Variants in MAGT1 observed in about 807,000 individuals in gnomAD.
MAGT1 encodes the protein magnesium transporter 1.
In MAGT1, 4 loss-of-function variants were observed where a neutral mutation model predicts 28.4. The ratio of observed to expected loss-of-function variants is 0.14; its 90% CI spans 0.07 to 0.32. The LOEUF (loss-of-function observed/expected upper bound fraction) is 0.32, where lower values mean the gene tolerates loss of function less well. MAGT1 is among the 10% of genes least tolerant of loss of function. The probability of loss-of-function intolerance (pLI) is 1.00; values close to 1 mark genes in which losing one functional copy is unlikely to be tolerated. For missense variants in MAGT1, 193 were observed against 264.5 expected (o/e 0.73, Z 1.88); for synonymous variants, 89 against 89.7 (o/e 0.99, Z 0.04).
At chrX:77,885,048 C>T (rs781823796) in intron 1 of MAGT1, among the ~76,000 whole-genome samples, 2 of 95,551 alleles carry the variant, frequency 2.1e-5, no homozygotes, top group South Asian at 1.0e-3. Context: ...GGTGACACAG[C>T]GAGACTCCAT....
intron 7 of MAGT1, among the ~76,000 whole-genome samples, chrX:77,842,337 T>A (rs781784018): frequency 9.1e-6 from 1 of 109,777 alleles, no homozygotes; most frequent in Non-Finnish European, 1.9e-5. Flanking sequence ...GAGGCTGCAG[T>A]TAGCCGTGAT....
intron 9 of MAGT1, among the ~76,000 whole-genome samples, chrX:77,830,601 G>A (rs1557213289): frequency 9.2e-6 from 1 of 108,231 alleles, no homozygotes; most frequent in Admixed American, 1.0e-4. Flanking sequence ...GGCAACAAGA[G>A]CAAAACTCCA....
At chrX:77,874,019 C>T (rs1557217541) in intron 2 of MAGT1, among the ~76,000 whole-genome samples, 1 of 108,931 alleles carries the variant, frequency 9.2e-6, no homozygotes, top group Non-Finnish European at 1.9e-5. Context: ...GGGTCTTGGT[C>T]TGTTGCTCAG....
chrX:77,885,077 A>G (rs1212764156), intron 1 of MAGT1, among the ~76,000 whole-genome samples: 7 of 107,245 alleles, frequency 6.5e-5, no homozygotes, highest in South Asian at 4.1e-4. Context: ...AAAAAAAAAA[A>G]AGAGAGAGAC....
chrX:77,874,859 ATT>A (rs782160221), intron 2 of MAGT1, among the ~76,000 whole-genome samples: 2 of 99,556 alleles, frequency 2.0e-5, no homozygotes, highest in Non-Finnish European at 2.1e-5. Flanking sequence ...GTTGATACTG[ATT>A]TTTTTTTTTT....
intron 1 of MAGT1, among the ~76,000 whole-genome samples, chrX:77,881,382 A>G (rs1188187825): frequency 1.8e-5 from 2 of 108,892 alleles, no homozygotes; most frequent in African/African-American, 3.3e-5. Context: ...AGTCTTTTAC[A>G]TTAGGTATAT....
At chrX:77,872,135 CA>C (rs1328536058) in intron 2 of MAGT1, among the ~76,000 whole-genome samples, 3 of 109,589 alleles carry the variant, frequency 2.7e-5, no homozygotes, top group African/African-American at 1.0e-4. Context: ...CTCTGCCTCC[CA>C]GTCTCAAGCA....
chrX:77,880,210 G>C (rs2077047691), intron 1 of MAGT1, among the ~76,000 whole-genome samples: 1 of 109,217 alleles, frequency 9.2e-6, no homozygotes, highest in Non-Finnish European at 1.9e-5. Flanking sequence ...ACATCTCTAT[G>C]AATGATGGAA....
Position 77,853,974 on chromosome X carries a change from A to T in MAGT1, c.763-10T>A, listed in dbSNP as rs1557215733. The T allele has an allele frequency of 6.0e-6, 7 of 1,171,971 alleles. No homozygotes were observed. The East Asian group carries it at 2.1e-4, about 35-fold the overall frequency. ...TTCCATGGATATAATTCTAGGAGGGAAAAAAGACAAAATGGAATCTTTAAG... is the reference window on the plus strand; with the variant it reads ...TTCCATGGATATAATTCTAGGAGGGTAAAAAGACAAAATGGAATCTTTAAG... On this transcript the variant is annotated splice_polypyrimidine_tract_variant and intron_variant, in intron 6 of 9. Transcript: ENST00000618282.
chrX:77,856,645 C>G, intron 5 of MAGT1, 88 bp downstream of exon 5: 1 of 860,444 alleles, frequency 1.2e-6, no homozygotes, highest in Non-Finnish European at 1.7e-6. Context: ...AAATAAAATG[C>G]TACTTCTCAC....
At chrX:77,877,967 A>G (rs1180508338) in intron 1 of MAGT1, among the ~76,000 whole-genome samples, 2 of 109,071 alleles carry the variant, frequency 1.8e-5, no homozygotes, top group East Asian at 5.7e-4. Context: ...CACTTTGGAA[A>G]ACAGTTTGGC....
rs151126473 is a variant in MAGT1, at chrX:77,895,322, T to C, written c.89A>G (p.Gln30Arg). ...IVCDVPSASAQRKKEMVLSEK... is the reference protein window; with the variant it reads ...IVCDVPSASARRKKEMVLSEK... ...CCGCGTTCTCACCTCCTTCTTTCTT[T>C]GGGCAGAGGCTGAGGGAACGTCGCA... The change falls in exon 1 of 10, where the codon CAA becomes CGA. Residue 30 changes from glutamine to arginine, a missense_variant. Gln to Arg is a conservative substitution (Grantham distance 43). Transcript: ENST00000618282. The C allele has an allele frequency of 4.2e-5, 51 of 1,210,758 alleles. No individual in the cohort carries two copies. The African/African-American group carries it at 7.8e-4, about 19-fold the overall frequency.
chrX:77,840,516 T>C (rs1245508492), intron 8 of MAGT1, among the ~76,000 whole-genome samples: 1 of 110,267 alleles, frequency 9.1e-6, no homozygotes, highest in Non-Finnish European at 1.9e-5. Flanking sequence ...AAACTAAACA[T>C]TGAAAAAAAT....
chrX:77,880,472 G>A (rs1276185140), intron 1 of MAGT1, among the ~76,000 whole-genome samples: 1 of 109,770 alleles, frequency 9.1e-6, no homozygotes, highest in Admixed American at 9.8e-5. Context: ...GAGTTGCAGT[G>A]AGCCGAGACC....
At chrX:77,893,833 G>A (rs1163446693) in intron 1 of MAGT1, among the ~76,000 whole-genome samples, 4 of 110,155 alleles carry the variant, frequency 3.6e-5, no homozygotes, top group Non-Finnish European at 7.6e-5. Flanking sequence ...AGCCCAGGAA[G>A]TCGAGGCTGC....
chrX:77,840,860 A>T (rs997201375), intron 8 of MAGT1, among the ~76,000 whole-genome samples: 25 of 111,994 alleles, frequency 2.2e-4, no homozygotes, highest in African/African-American at 8.1e-4. Flanking sequence ...ACAAACAATA[A>T]CAGAGTATAA....
intron 1 of MAGT1, among the ~76,000 whole-genome samples, chrX:77,886,538 G>C (rs1603365061): frequency 1.8e-5 from 2 of 110,713 alleles, no homozygotes; most frequent in Non-Finnish European, 3.8e-5. Flanking sequence ...GGCTACTCAG[G>C]AGGCTGAGGT....
At chrX:77,843,396 G>A (rs1389165529) in intron 7 of MAGT1, among the ~76,000 whole-genome samples, 1 of 110,689 alleles carries the variant, frequency 9.0e-6, no homozygotes, top group African/African-American at 3.3e-5. Context: ...ACCACGCCAC[G>A]TTCGTTTTGT....
intron 1 of MAGT1, among the ~76,000 whole-genome samples, chrX:77,877,880 C>G (rs1444342819): frequency 1.9e-5 from 2 of 106,514 alleles, no homozygotes; most frequent in African/African-American, 6.8e-5. Context: ...AATATACTGA[C>G]AATATCAAAT....
Sources: gnomAD v4.1 joint callset for allele counts (sites outside exome capture counted in the v4.1 genomes callset) on GRCh38, gnomAD v4.1.1 for gene constraint, MANE v1.5 for transcripts, NCBI Gene and HGNC (gene_info 2026-07-23, HGNC 2026-07-21) for gene names.